The following OSBPL9 variants were observed in gnomAD, a reference collection of about 807,000 sequenced individuals.
OSBPL9 encodes the protein oxysterol binding protein like 9, also known as oxysterol-binding protein-related protein 9.
OSBPL9 carries 40 observed loss-of-function variants against 106.6 expected under a neutral mutation model. That is an observed-to-expected ratio of 0.38 (90% CI 0.29 to 0.49). The LOEUF is 0.49. OSBPL9 is among the 20% of genes least tolerant of loss of function. The pLI, the probability that OSBPL9 is intolerant of heterozygous loss-of-function variation, is 0.97. For missense variants in OSBPL9, 609 were observed against 887.2 expected, an observed-to-expected ratio of 0.69 and a Z score of 3.98; for synonymous variants, 269 against 295.4, an observed-to-expected ratio of 0.91 and a Z score of 0.92.
At chr1:51,686,554 G>A (rs1443817797) in intron 3 of OSBPL9, among the ~76,000 whole-genome samples, 1 of 152,180 alleles carries the variant, frequency 6.6e-6, no homozygotes, top group African/African-American at 2.4e-5. Flanking sequence ...TGGTTGTCAC[G>A]TTTCTCCTGT....
the OSBPL9 span, among the ~76,000 whole-genome samples, chr1:51,539,561 G>A: frequency 9.9e-5 from 15 of 151,916 alleles, no homozygotes; most frequent in Admixed American, 7.9e-4. Context: ...ATAATAATAC[G>A]AACTTACATT....
intron 2 of OSBPL9, among the ~76,000 whole-genome samples, chr1:51,659,971 T>G (rs1335231656): frequency 1.3e-5 from 2 of 152,080 alleles, no homozygotes; most frequent in South Asian, 4.1e-4. Flanking sequence ...GGTGGTGTTA[T>G]AAGAGACAGA....
At chr1:51,583,297 A>G (rs72663117) in intron 1 of OSBPL9, among the ~76,000 whole-genome samples, 6,859 of 152,154 alleles carry the variant, frequency 0.045, 217 homozygotes, top group Middle Eastern at 0.12. Flanking sequence ...GAGTGTAGGA[A>G]AGGGAGCTAG....
chr1:51,782,776 A>G, intron 17 of OSBPL9, 133 bp downstream of exon 17: 2 of 688,626 alleles, frequency 2.9e-6, no homozygotes, highest in Middle Eastern at 3.7e-4. Context: ...CTGAAGTGGA[A>G]ACTCAAGTTG....
rs1056496458 is a variant in OSBPL9, at chr1:51,765,978, T to C, written c.935T>C (p.Ile312Thr). The C allele has an allele frequency of 1.2e-6, 2 of 1,605,510 alleles. No homozygotes were observed. Among genetic ancestry groups the C allele is most frequent in the Non-Finnish European group, 8.5e-7 (1 of 1,175,746 alleles). Residue 312 changes from isoleucine to threonine, a missense_variant, in exon 12 of 24, where the codon ATA becomes ACA. Ile to Thr is a moderately conservative substitution (Grantham distance 89). This residue lies in a region of OSBPL9 where 356 missense variants were observed against 505.8 expected (regional missense o/e 0.70). Transcript: ENST00000428468. Reference sequence around the variant, plus strand: ...AGTGGCTCATCCCCAAAGCGCTTAATAGAGTGAGTAGATGAACAGAATATG... The same window carrying C: ...AGTGGCTCATCCCCAAAGCGCTTAACAGAGTGAGTAGATGAACAGAATATG... Reference protein sequence around the residue: ...HQSGSSPKRLIDSSGSASVLT... With the variant: ...HQSGSSPKRLTDSSGSASVLT...
the OSBPL9 span, among the ~76,000 whole-genome samples, chr1:51,533,250 G>T: frequency 6.6e-6 from 1 of 152,092 alleles, no homozygotes; most frequent in Non-Finnish European, 1.5e-5. Context: ...GGAAGGCTGA[G>T]GTGGGTGGAT....
chr1:51,742,666 G>T (rs550774863), intron 4 of OSBPL9, among the ~76,000 whole-genome samples: 11 of 152,094 alleles, frequency 7.2e-5, no homozygotes, highest in African/African-American at 2.7e-4. Flanking sequence ...AGCTCAGGAG[G>T]TTGAGTCTGC....
intron 16 of OSBPL9, 87 bp downstream of exon 16, chr1:51,781,422 A>T: frequency 7.5e-7 from 1 of 1,326,514 alleles, no homozygotes; most frequent in Non-Finnish European, 1.0e-6. Context: ...TGATGAAAGC[A>T]ATGATCAAAA....
intron 23 of OSBPL9, 84 bp downstream of exon 23, chr1:51,787,572 TG>T: frequency 3.7e-6 from 6 of 1,605,028 alleles, no homozygotes; most frequent in Non-Finnish European, 5.1e-6. Context: ...TGCCAAACAC[TG>T]TTTATAAACA....
the OSBPL9 span, among the ~76,000 whole-genome samples, chr1:51,551,986 T>C: frequency 6.6e-6 from 1 of 151,884 alleles, no homozygotes. Flanking sequence ...TGTGTGTGTG[T>C]GTGTGTGTGT....
chr1:51,566,360 T>C, the OSBPL9 span: 1 of 152,276 alleles, frequency 6.6e-6, no homozygotes, highest in Non-Finnish European at 1.5e-5. Flanking sequence ...CCAGATCCTC[T>C]ATGTGCAGGC....
At chr1:51,714,584 T>C (rs763027390) in intron 4 of OSBPL9, among the ~76,000 whole-genome samples, 1 of 152,220 alleles carries the variant, frequency 6.6e-6, no homozygotes, top group Non-Finnish European at 1.5e-5. Flanking sequence ...AGGTAATTCA[T>C]GTCATGAGGA....
intron 3 of OSBPL9, among the ~76,000 whole-genome samples, chr1:51,698,709 T>C (rs1446502603): frequency 6.6e-6 from 1 of 152,222 alleles, no homozygotes; most frequent in African/African-American, 2.4e-5. Flanking sequence ...GTTAACTTTA[T>C]ATATTTGATA....
At chr1:51,570,527 C>T in the OSBPL9 span, among the ~76,000 whole-genome samples, 1 of 152,092 alleles carries the variant, frequency 6.6e-6, no homozygotes, top group East Asian at 1.9e-4. Context: ...CAGACCAAGC[C>T]CCAGGGAGGA....
Position 51,761,951 on chromosome 1 carries a change from C to T in OSBPL9, c.758C>T (p.Thr253Ile). 6.2e-7 allele frequency: 1 copy of T among 1,606,522 alleles called. No individual in the cohort carries two copies. The highest frequency in any genetic ancestry group is 8.5e-7 in the Non-Finnish European group (1 of 1,173,148). Reference sequence around the variant, plus strand: ...TTGGCTACCTTGGGACATCATCAGACTCCTACACCAAATAGTACAGGTACA... The same window carrying T: ...TTGGCTACCTTGGGACATCATCAGATTCCTACACCAAATAGTACAGGTACA... ...PVLATLGHHQTPTPNSTGSGH... is the reference protein window; with the variant it reads ...PVLATLGHHQIPTPNSTGSGH... The change falls in exon 11 of 24, where the codon ACT (threonine) becomes ATT (isoleucine). Residue 253 changes from threonine to isoleucine, a missense_variant. Coordinates refer to ENST00000428468, the MANE Select transcript of OSBPL9 (RefSeq NM_024586.6).
At chr1:51,533,499 A>AAAAAG in the OSBPL9 span, among the ~76,000 whole-genome samples, 1 of 147,868 alleles carries the variant, frequency 6.8e-6, no homozygotes, top group African/African-American at 2.5e-5. Flanking sequence ...AAAAAAAAAA[A>AAAAAG]AAAGAAAGAA....
Position 51,590,380 on chromosome 1 carries a change from G to A in OSBPL9, c.-422-7744G>A, listed in dbSNP as rs928693339. 3.3e-5 allele frequency among the ~76,000 whole-genome samples: 5 copies of A among 152,002 alleles called. No homozygotes were observed. The East Asian group carries it at 9.7e-4, about 30-fold the overall frequency. On this transcript the variant is annotated intron_variant, in intron 1 of 25. Transcript: ENST00000371714. Reference sequence around the variant, plus strand: ...TCAAGCCTGTAATCCCAGCACTTTGGGAGGCCAAGGCGGGTGGATCACGAG... The same window carrying A: ...TCAAGCCTGTAATCCCAGCACTTTGAGAGGCCAAGGCGGGTGGATCACGAG...
At chr1:51,655,595 A>T (rs116747085) in intron 2 of OSBPL9, among the ~76,000 whole-genome samples, 1 of 152,174 alleles carries the variant, frequency 6.6e-6, no homozygotes, top group Non-Finnish European at 1.5e-5. Flanking sequence ...TATCATATTC[A>T]TGGTTTTCAT....
chr1:51,765,719 A>T, intron 11 of OSBPL9, 103 bp from the exon 12 acceptor site: 1 of 1,135,734 alleles, frequency 8.8e-7, no homozygotes, highest in Non-Finnish European at 1.2e-6. Flanking sequence ...TTACAAACTT[A>T]ACCAAACTCT....
Sources: gnomAD v4.1 joint callset for allele counts (sites outside exome capture counted in the v4.1 genomes callset) on GRCh38, gnomAD v4.1.1 for gene constraint, gnomAD v4.1.1 regional missense constraint, MANE v1.5 for transcripts, NCBI Gene and HGNC (gene_info 2026-07-23, HGNC 2026-07-21) for gene names.